The following KDM4C variants were observed in gnomAD, a reference collection of about 807,000 sequenced individuals.
KDM4C encodes lysine-specific demethylase 4C.
In KDM4C, 81 loss-of-function variants were observed where a neutral mutation model predicts 129.3. The observed-to-expected ratio is 0.63, with a 90% CI of 0.52 to 0.75. The LOEUF (loss-of-function observed/expected upper bound fraction) is 0.75. KDM4C is among the 30% of genes least tolerant of loss of function. The pLI, the probability that KDM4C is intolerant of heterozygous loss-of-function variation, is 0.00. For synonymous variants in KDM4C, 573 were observed against 456.1 expected (o/e 1.26, Z -3.26); for missense variants, 1,457 against 1,304.0 (o/e 1.12, Z -1.81).
chr9:7,029,660 A>G (rs550171458), intron 15 of KDM4C, among the ~76,000 whole-genome samples: 9 of 152,348 alleles, frequency 5.9e-5, no homozygotes, highest in African/African-American at 1.9e-4. Flanking sequence ...GGGACAGTAT[A>G]GCATTTGGTA....
chr9:6,801,623 C>T (rs1208105205), intron 2 of KDM4C, among the ~76,000 whole-genome samples: 2 of 151,334 alleles, frequency 1.3e-5, no homozygotes, highest in Non-Finnish European at 2.9e-5. Context: ...GATATGCTCT[C>T]TCTCTCTCTC....
intron 1 of KDM4C, among the ~76,000 whole-genome samples, chr9:6,773,639 C>T (rs1314891415): frequency 2.6e-5 from 4 of 152,000 alleles, no homozygotes; most frequent in South Asian, 4.2e-4. Flanking sequence ...GGTGTGTTAG[C>T]GCACGCTTAT....
chr9:6,814,634 T>C lies in KDM4C; in HGVS notation c.324T>C (p.Tyr108=), dbSNP rs377040079. 1.5e-4 allele frequency: 237 copies of C among 1,590,400 alleles called. No homozygotes were observed. Among genetic ancestry groups the C allele is most frequent in the Non-Finnish European group, 1.8e-4 (215 of 1,164,980 alleles). Residue 108 remains tyrosine (Y), a synonymous_variant, in exon 4 of 22, where the codon TAT becomes TAC. Transcript: ENST00000381309. ...EFRQLANSGK[Y]CTPRYLDYED... is the part of the protein sequence containing the mutation. ...TTTTGTCATCTACCTTTTACAGATA[T>C]TGTACTCCAAGATACTTGGATTACG...
At chr9:6,868,312 G>A (rs1209366969) in intron 5 of KDM4C, among the ~76,000 whole-genome samples, 1 of 152,126 alleles carries the variant, frequency 6.6e-6, no homozygotes, top group African/African-American at 2.4e-5. Flanking sequence ...GAAACTTGAG[G>A]AAAATATCCT....
At chr9:6,810,223 C>G (rs1830896521) in intron 3 of KDM4C, among the ~76,000 whole-genome samples, 1 of 152,114 alleles carries the variant, frequency 6.6e-6, no homozygotes, top group Non-Finnish European at 1.5e-5. Context: ...TTATACATAT[C>G]TCTGTTAAAT....
chr9:7,076,586 G>A (rs1570513), intron 17 of KDM4C: 1,104,043 of 1,481,424 alleles, frequency 0.75, 412,677 homozygotes, highest in African/African-American at 0.84. Flanking sequence ...AGCCAGCATC[G>A]TGTTTAGGAT....
chr9:7,046,492 C>T (rs780795312), intron 15 of KDM4C, among the ~76,000 whole-genome samples: 3 of 151,950 alleles, frequency 2.0e-5, no homozygotes, highest in African/African-American at 4.8e-5. Context: ...AAGGCTACAC[C>T]GTCGTGTGTG....
chr9:6,865,882 C>G (rs1369502586), intron 5 of KDM4C, among the ~76,000 whole-genome samples: 2 of 152,110 alleles, frequency 1.3e-5, no homozygotes, highest in Admixed American at 6.5e-5. Context: ...TCCCGAGTAG[C>G]TGGGACTACA....
At chr9:7,169,991 T>A in intron 21 of KDM4C, 101 bp downstream of exon 21, 1 of 1,575,878 alleles carries the variant, frequency 6.3e-7, no homozygotes, top group Admixed American at 1.8e-5. Flanking sequence ...GGCTTTTGGA[T>A]TAATTCTAAA....
intron 1 of KDM4C, among the ~76,000 whole-genome samples, chr9:6,747,759 G>C (rs1258062426): frequency 2.0e-5 from 3 of 152,196 alleles, no homozygotes; most frequent in East Asian, 1.9e-4. Context: ...GCACAACTTA[G>C]AGCAGGGCCT....
intron 8 of KDM4C, among the ~76,000 whole-genome samples, chr9:6,957,647 G>C (rs1290968963): frequency 6.6e-6 from 1 of 152,090 alleles, no homozygotes; most frequent in Non-Finnish European, 1.5e-5. Flanking sequence ...ATTTTCTATT[G>C]GTTGCACAAT....
intron 8 of KDM4C, among the ~76,000 whole-genome samples, chr9:6,939,084 G>T (rs1437690687): frequency 6.6e-6 from 1 of 151,526 alleles, no homozygotes; most frequent in East Asian, 2.1e-4. Context: ...TTCCTAACAG[G>T]CCACAGACTG....
At chr9:6,756,768 G>C (rs1483366417), upstream of KDM4C, among the ~76,000 whole-genome samples, 1 of 152,114 alleles carries the variant, frequency 6.6e-6, no homozygotes, top group African/African-American at 2.4e-5. Flanking sequence ...AACAACTAAA[G>C]AAATATGGTG....
chr9:6,899,956 A>G (rs1443623892), intron 8 of KDM4C, among the ~76,000 whole-genome samples: 1 of 152,126 alleles, frequency 6.6e-6, no homozygotes, highest in African/African-American at 2.4e-5. Context: ...AAGAAAGTAA[A>G]TTTGCCTTTT....
chr9:7,145,440 C>T (rs1018565224), intron 19 of KDM4C, among the ~76,000 whole-genome samples: 11 of 152,222 alleles, frequency 7.2e-5, no homozygotes, highest in Middle Eastern at 3.4e-3. Flanking sequence ...ATGGGGGGCG[C>T]ACTCCCCTCT....
intron 8 of KDM4C, among the ~76,000 whole-genome samples, chr9:6,902,984 C>T (rs1055096435): frequency 2.0e-5 from 3 of 151,792 alleles, no homozygotes; most frequent in African/African-American, 7.3e-5. Context: ...TTTGAAAGGC[C>T]GTGTTTTGTA....
At chr9:6,793,795 G>A (rs7850536) in intron 2 of KDM4C, among the ~76,000 whole-genome samples, 38,449 of 151,776 alleles carry the variant, frequency 0.25, 5,235 homozygotes, top group Non-Finnish European at 0.3. Context: ...CATCCGCCTC[G>A]GCTTCCCAAA....
intron 7 of KDM4C, among the ~76,000 whole-genome samples, chr9:6,889,251 G>GTGTGTGTGTGTGT (rs61683546): frequency 2.9e-5 from 4 of 137,982 alleles, no homozygotes; most frequent in East Asian, 2.2e-4. Flanking sequence ...GTGTGTGTGT[G>GTGTGTGTGTGTGT]GGAGGGTGGG....
At chr9:6,860,305 C>G (rs1305553482) in intron 5 of KDM4C, among the ~76,000 whole-genome samples, 1 of 152,138 alleles carries the variant, frequency 6.6e-6, no homozygotes, top group Non-Finnish European at 1.5e-5. Context: ...TTCTTGAAGT[C>G]AGAAAGAAAA....
Sources: gnomAD v4.1 joint callset for allele counts (sites outside exome capture counted in the v4.1 genomes callset) on GRCh38, gnomAD v4.1.1 for gene constraint, MANE v1.5 for transcripts, NCBI Gene and HGNC (gene_info 2026-07-23, HGNC 2026-07-21) for gene names.